CNIH3: variants seen among roughly 807,000 people sequenced by gnomAD.
CNIH3 encodes the protein protein cornichon homolog 3.
A neutral mutation model predicts 24.1 loss-of-function variants in CNIH3; 14 were observed. That is an observed-to-expected ratio of 0.58 (90% CI 0.38 to 0.91). CNIH3 has a LOEUF of 0.91. Ranked by LOEUF, CNIH3 falls within the 40% of genes least tolerant of loss-of-function variation. The probability of loss-of-function intolerance (pLI) is 0.00; values close to 1 mark genes in which losing one functional copy is unlikely to be tolerated. For synonymous variants in CNIH3, 68 were observed against 73.8 expected, an observed-to-expected ratio of 0.92 and a Z score of 0.40; for missense variants, 178 against 196.8, an observed-to-expected ratio of 0.90 and a Z score of 0.57.
intron 1 of CNIH3, among the ~76,000 whole-genome samples, chr1:224,663,017 T>C (rs925565317): frequency 1.3e-5 from 2 of 152,130 alleles, no homozygotes; most frequent in African/African-American, 4.8e-5. Flanking sequence ...CAAAAATAAT[T>C]GTGGTTTTTG....
intron 1 of CNIH3, among the ~76,000 whole-genome samples, chr1:224,461,776 A>G (rs1243536137): frequency 6.6e-6 from 1 of 152,236 alleles, no homozygotes; most frequent in Non-Finnish European, 1.5e-5. Flanking sequence ...AAGAAAACCC[A>G]TATCAATTAG....
At chr1:224,738,508 G>A (rs896357343) in intron 5 of CNIH3, among the ~76,000 whole-genome samples, 7 of 152,072 alleles carry the variant, frequency 4.6e-5, no homozygotes, top group Non-Finnish European at 8.8e-5. Context: ...AGCTGCAAAG[G>A]GTTAGAAGTC....
chr1:224,699,357 T>C (rs1687355160), intron 3 of CNIH3, among the ~76,000 whole-genome samples: 1 of 152,250 alleles, frequency 6.6e-6, no homozygotes, highest in Non-Finnish European at 1.5e-5. Context: ...CAGAGGACAC[T>C]GTACCCCCTT....
At chr1:224,630,132 C>A (rs533542390) in intron 1 of CNIH3, among the ~76,000 whole-genome samples, 1 of 152,062 alleles carries the variant, frequency 6.6e-6, no homozygotes, top group Non-Finnish European at 1.5e-5. Context: ...TTTGGCTTTG[C>A]GAGAACTGAG....
chr1:224,715,962 C>T (rs1688408724), intron 3 of CNIH3, among the ~76,000 whole-genome samples: 1 of 152,128 alleles, frequency 6.6e-6, no homozygotes, highest in African/African-American at 2.4e-5. Flanking sequence ...TTTCTTTCAC[C>T]CCTAAAAATA....
At chr1:224,691,132 C>T (rs1373812950) in intron 3 of CNIH3, among the ~76,000 whole-genome samples, 1 of 152,230 alleles carries the variant, frequency 6.6e-6, no homozygotes, top group African/African-American at 2.4e-5. Context: ...CCTTACCCTC[C>T]CCTCTCTCCA....
At chr1:224,727,177 A>C (rs1572823710) in intron 3 of CNIH3, among the ~76,000 whole-genome samples, 1 of 152,078 alleles carries the variant, frequency 6.6e-6, no homozygotes, top group Admixed American at 6.5e-5. Flanking sequence ...TGGTTGGGGG[A>C]GGATAAACAG....
At chr1:224,483,271 A>G (rs1468956309) in intron 1 of CNIH3, among the ~76,000 whole-genome samples, 3 of 152,140 alleles carry the variant, frequency 2.0e-5, no homozygotes, top group African/African-American at 7.2e-5. Context: ...AATTGCTTGA[A>G]CTTGGCAGGT....
intron 3 of CNIH3, among the ~76,000 whole-genome samples, chr1:224,708,933 A>T (rs534826595): frequency 2.6e-5 from 4 of 152,162 alleles, no homozygotes; most frequent in Non-Finnish European, 4.4e-5. Context: ...CCCACACAAA[A>T]ATCTGGGTTT....
intron 3 of CNIH3, among the ~76,000 whole-genome samples, chr1:224,610,722 C>G (rs1682652657): frequency 6.6e-6 from 1 of 152,156 alleles, no homozygotes; most frequent in Non-Finnish European, 1.5e-5. Context: ...AAAACCAAAA[C>G]TAATTTATGT....
intron 3 of CNIH3, among the ~76,000 whole-genome samples, chr1:224,728,282 G>A (rs1226093438): frequency 1.3e-5 from 2 of 152,240 alleles, no homozygotes; most frequent in Non-Finnish European, 2.9e-5. Context: ...GAGAAAGTGG[G>A]CTTTCTCTTT....
chr1:224,709,374 G>A (rs913881125), intron 3 of CNIH3, among the ~76,000 whole-genome samples: 2 of 152,130 alleles, frequency 1.3e-5, no homozygotes, highest in African/African-American at 4.8e-5. Context: ...GAGTGCTTAT[G>A]TATCACACTT....
chr1:224,536,497 G>T (rs1359448672), intron 2 of CNIH3, among the ~76,000 whole-genome samples: 1 of 151,970 alleles, frequency 6.6e-6, no homozygotes, highest in East Asian at 1.9e-4. Context: ...CTCCATGTTG[G>T]TCGGGCTGGT....
chr1:224,694,110 A>C (rs1039441633), intron 3 of CNIH3, among the ~76,000 whole-genome samples: 4 of 152,180 alleles, frequency 2.6e-5, no homozygotes, highest in African/African-American at 9.7e-5. Flanking sequence ...AAGAGCTTCC[A>C]CCCAGAGAAG....
intron 4 of CNIH3, among the ~76,000 whole-genome samples, chr1:224,732,127 A>C (rs545142360): frequency 1.3e-5 from 2 of 152,264 alleles, no homozygotes; most frequent in African/African-American, 4.8e-5. Context: ...AAATCCAATG[A>C]GGGGGTTATG....
At chr1:224,549,993 C>T (rs1679849858) in intron 3 of CNIH3, among the ~76,000 whole-genome samples, 2 of 152,078 alleles carry the variant, frequency 1.3e-5, no homozygotes, top group African/African-American at 4.8e-5. Flanking sequence ...GATTATATGT[C>T]ATTAATATCA....
At chr1:224,468,476 T>A (rs1558086480) in intron 1 of CNIH3, among the ~76,000 whole-genome samples, 4 of 152,248 alleles carry the variant, frequency 2.6e-5, no homozygotes, top group Admixed American at 1.3e-4. Context: ...GGTTTCTACA[T>A]GTTTGTTGAT....
At chr1:224,551,735 A>G (rs189177619) in intron 3 of CNIH3, among the ~76,000 whole-genome samples, 1 of 151,866 alleles carries the variant, frequency 6.6e-6, no homozygotes. Flanking sequence ...AGATATTATG[A>G]ATAATACAAC....
rs11374306 is a variant in CNIH3, at chr1:224,454,257, G to GTTTTT, written n.203+19408_203+19412dup. On this transcript the variant is annotated intron_variant and non_coding_transcript_variant, in intron 1 of 5. Coordinates refer to the CNIH3 transcript ENST00000471578. Reference sequence around the variant, plus strand: ...TTTACAGGCTCATTTCTACTAGTAAGTTTTTTTTTTTTTTTTTCAGATCTC... The same window carrying GTTTTT: ...TTTACAGGCTCATTTCTACTAGTAAGTTTTTTTTTTTTTTTTTTTTTTCAGATCTC... 1.2e-4 allele frequency: 88 copies of GTTTTT among 750,810 alleles called. 1 individual carries two copies. Among genetic ancestry groups the GTTTTT allele is most frequent in the Non-Finnish European group, 1.3e-4 (84 of 624,502 alleles). 46.5% of individuals were successfully genotyped at this position (750,810 alleles called of 1,614,324 possible).
Sources: gnomAD v4.1 joint callset for allele counts (sites outside exome capture counted in the v4.1 genomes callset) on GRCh38, gnomAD v4.1.1 for gene constraint, MANE v1.5 for transcripts, NCBI Gene and HGNC (gene_info 2026-07-23, HGNC 2026-07-21) for gene names.